RBBP8: variants seen among roughly 807,000 people sequenced by gnomAD.
The protein encoded by RBBP8 is DNA endonuclease RBBP8.
A neutral mutation model predicts 108.3 loss-of-function variants in RBBP8; 88 were observed. That is an observed-to-expected ratio of 0.81 (90% CI 0.68 to 0.97). RBBP8 has a LOEUF of 0.97. Among genes scored for constraint, RBBP8 ranks in the 50% least tolerant of loss-of-function variants. RBBP8 has a pLI of 0.00. For synonymous variants in RBBP8, 332 were observed against 348.2 expected (o/e 0.95, Z 0.52); for missense variants, 1,023 against 1,049.0 (o/e 0.98, Z 0.34).
chr18:22,999,976 C>T (rs1193062824), intron 14 of RBBP8, among the ~76,000 whole-genome samples: 2 of 152,140 alleles, frequency 1.3e-5, no homozygotes, highest in African/African-American at 4.8e-5. Flanking sequence ...ACATATTTGA[C>T]CTTCAGCATG....
At chr18:23,005,180 T>C (rs2046019602) in intron 15 of RBBP8, among the ~76,000 whole-genome samples, 1 of 151,238 alleles carries the variant, frequency 6.6e-6, no homozygotes, top group African/African-American at 2.4e-5. Context: ...CAAAGAAAAA[T>C]AAAAAGCTAA....
intron 4 of RBBP8, among the ~76,000 whole-genome samples, chr18:22,964,844 T>A (rs1052860846): frequency 2.0e-5 from 3 of 152,054 alleles, no homozygotes; most frequent in Admixed American, 1.3e-4. Context: ...ATATTTCCTT[T>A]TATGGCAATC....
In RBBP8 at chr18:22,949,634, G is replaced by C; in HGVS notation, c.169G>C (p.Glu57Gln). 1.9e-6 allele frequency: 3 copies of C among 1,611,976 alleles called. No homozygotes were observed. The highest frequency in any genetic ancestry group is 2.5e-6 in the Non-Finnish European group (3 of 1,178,546). The change falls in exon 4 of 19, where the codon GAA (glutamate) becomes CAA (glutamine). Residue 57 changes from glutamate (E) to glutamine (Q), a missense_variant. Glu to Gln is a conservative substitution (Grantham distance 29). Transcript: ENST00000327155. Reference protein sequence around the residue: ...QERILDAQRLEEFFTKNQQLR... With the variant: ...QERILDAQRLQEFFTKNQQLR... ...GACCTTTAGAGATGCACAAAGACTA[G>C]AAGAATTCTTCACCAAAAATCAACA...
intron 3 of RBBP8, among the ~76,000 whole-genome samples, chr18:22,921,608 A>C (rs1648066109): frequency 6.6e-6 from 1 of 152,202 alleles, no homozygotes; most frequent in Non-Finnish European, 1.5e-5. Context: ...TATAATTCTA[A>C]TACAAAATAC....
Position 22,990,972 on chromosome 18 carries a change from G to T in RBBP8, c.843G>T (p.Glu281Asp), listed in dbSNP as rs61759887. 21 of 1,613,606 alleles carry T rather than the reference G, an allele frequency of 1.3e-5. No individual in the cohort carries two copies. The highest frequency in any genetic ancestry group is 1.8e-5 in the Non-Finnish European group (21 of 1,179,764). ...GTCCCATGAGCCCCCTTGGTGATGAGCTCTACCACTGTCTGGAAGGAAATC... is the reference window on the plus strand; with the variant it reads ...GTCCCATGAGCCCCCTTGGTGATGATCTCTACCACTGTCTGGAAGGAAATC... ...TQGPMSPLGD[E>D]LYHCLEGNHK... The change falls in exon 10 of 19, where the codon GAG becomes GAT. Residue 281 changes from glutamate to aspartate, a missense_variant. Transcript: ENST00000327155.
chr18:22,976,092 G>T (rs896167221), intron 6 of RBBP8, among the ~76,000 whole-genome samples: 4 of 152,054 alleles, frequency 2.6e-5, no homozygotes, highest in Non-Finnish European at 4.4e-5. Context: ...GTAAAACTAT[G>T]TAGATGTAAC....
At chr18:23,011,231 T>C (rs7232963) in intron 16 of RBBP8, among the ~76,000 whole-genome samples, 104,002 of 152,030 alleles carry the variant, frequency 0.68, 36,337 homozygotes, top group Middle Eastern at 0.84. Context: ...TTCTGTTTCA[T>C]GGTGCTTTAT....
chr18:22,969,012 C>G, intron 5 of RBBP8, 94 bp downstream of exon 5: 1 of 934,186 alleles, frequency 1.1e-6, no homozygotes, highest in Non-Finnish European at 1.6e-6. Flanking sequence ...GGATGGTTTA[C>G]ATATATTTTT....
chr18:22,916,810 A>G (rs1435835714), intron 2 of RBBP8: 1 of 152,066 alleles, frequency 6.6e-6, no homozygotes, highest in Non-Finnish European at 1.5e-5. Context: ...TTCTGACTCA[A>G]TATTGCTTTA....
chr18:23,016,947 AT>A (rs570308340), intron 17 of RBBP8, 23 bp downstream of exon 17: 344 of 1,518,904 alleles, frequency 2.3e-4, no homozygotes, highest in Middle Eastern at 3.4e-4. Flanking sequence ...GTAGATACTA[AT>A]TTTTTTTTAA....
At chr18:22,919,358 T>C (rs1483355207) in intron 3 of RBBP8, among the ~76,000 whole-genome samples, 5 of 152,224 alleles carry the variant, frequency 3.3e-5, no homozygotes. Flanking sequence ...ACTGATCTTA[T>C]TGAGCTCTTG....
intron 1 of RBBP8, among the ~76,000 whole-genome samples, chr18:22,935,846 GAAGTAACATTACCCT>G (rs1910530490): frequency 6.6e-6 from 1 of 152,166 alleles, no homozygotes; most frequent in Non-Finnish European, 1.5e-5. Flanking sequence ...AGAGAGGCAT[GAAGTAACATTACCCT>G]AATTGTCTTA....
intron 17 of RBBP8, among the ~76,000 whole-genome samples, chr18:23,021,734 T>A (rs1009607341): frequency 6.6e-6 from 1 of 152,046 alleles, no homozygotes; most frequent in African/African-American, 2.4e-5. Context: ...ACCTCTGAAT[T>A]TTTTTTACTG....
At chr18:23,001,066 G>A (rs2045938747) in intron 14 of RBBP8, among the ~76,000 whole-genome samples, 1 of 152,158 alleles carries the variant, frequency 6.6e-6, no homozygotes, top group African/African-American at 2.4e-5. Context: ...ACTCTTCACA[G>A]CTAGGCCTGC....
Position 22,999,512 on chromosome 18 carries a change from GT to G in RBBP8, c.2143+1779del, listed in dbSNP as rs2045911792. ...AGGTGACATTTTTATGACCTCAGAG[GT>G]AACATAGTGTCACAAAGATCTGCAC... On this transcript the variant is annotated intron_variant, in intron 14 of 18. Coordinates refer to ENST00000327155, the MANE Select transcript of RBBP8 (RefSeq NM_002894.3). 2.0e-5 allele frequency among the ~76,000 whole-genome samples: 3 copies of G among 152,258 alleles called. No homozygotes were observed. The South Asian group carries it at 6.2e-4, about 32-fold the overall frequency.
intron 12 of RBBP8, among the ~76,000 whole-genome samples, chr18:22,995,310 C>T (rs1282794355): frequency 6.6e-6 from 1 of 151,910 alleles, no homozygotes; most frequent in Non-Finnish European, 1.5e-5. Context: ...TAGCCTTTTA[C>T]AATCTACTTG....
chr18:23,012,991 A>C (rs2046194444), intron 16 of RBBP8, among the ~76,000 whole-genome samples: 1 of 152,204 alleles, frequency 6.6e-6, no homozygotes, highest in African/African-American at 2.4e-5. Context: ...CCTGTGCTTT[A>C]GAAATAGAAC....
intron 8 of RBBP8, among the ~76,000 whole-genome samples, chr18:22,988,865 G>A (rs971904579): frequency 2.0e-5 from 3 of 152,190 alleles, no homozygotes; most frequent in African/African-American, 4.8e-5. Context: ...GAAAGAGAGC[G>A]TAAATATAGT....
intron 12 of RBBP8, 38 bp downstream of exon 12, chr18:22,993,885 G>T (rs764753549): frequency 3.1e-6 from 5 of 1,592,398 alleles, no homozygotes; most frequent in East Asian, 4.5e-5. Flanking sequence ...CTTTTTTAAT[G>T]ACTTCAGATT....
Sources: allele counts gnomAD v4.1 joint callset (sites outside exome capture counted in the v4.1 genomes callset), GRCh38; gene constraint gnomAD v4.1.1; transcripts MANE v1.5; gene names NCBI Gene and HGNC (gene_info 2026-07-23, HGNC 2026-07-21).